The following DUX4 variants were observed in gnomAD, a reference collection of about 807,000 sequenced individuals.
DUX4 encodes double homeobox 4.
rs1201000288 is a variant in DUX4 at position 190,175,257 on chromosome 4, A to G, written c.*209A>G. The G allele has an allele frequency of 1.9e-4, 25 of 128,910 alleles. No individual in the cohort carries two copies. In the East Asian group the frequency reaches 4.2e-3, roughly 22 times the overall value. The allele number at this position is 128,910 out of a possible 1,614,324, so 8.0% of individuals were successfully genotyped here. ...CCTTTCTTTCCTGGGCATCCCGGGG[A>G]TCCCAGAGCCGGCCCAGGTACCAGC... On this transcript the variant is annotated 3_prime_UTR_variant, in exon 1 of 2. Coordinates refer to ENST00000565211, the MANE Select transcript of DUX4 (RefSeq NM_001306068.3).
At chr4:190,176,248 G>A (rs1246630569), downstream of DUX4, among the ~76,000 whole-genome samples, 6 of 113,576 alleles carry the variant, frequency 5.3e-5, 1 homozygote, top group African/African-American at 1.6e-4. Flanking sequence ...TGTAGACAAA[G>A]CCCAGACAAT....
downstream of DUX4, among the ~76,000 whole-genome samples, chr4:190,179,163 TTG>T (rs1742480653): frequency 1.3e-5 from 2 of 152,138 alleles, no homozygotes; most frequent in Admixed American, 6.5e-5. Context: ...CAGAGATACA[TTG>T]CAATGCCCCT....
At chr4:190,179,040 TTAG>T (rs1742473944), downstream of DUX4, among the ~76,000 whole-genome samples, 1 of 101,852 alleles carries the variant, frequency 9.8e-6, no homozygotes, top group African/African-American at 3.6e-5. Flanking sequence ...CAAAGTCCCT[TTAG>T]GCAGATCCTA....
downstream of DUX4, among the ~76,000 whole-genome samples, chr4:190,177,737 C>A (rs2126569786): frequency 6.4e-3 from 686 of 107,994 alleles, no homozygotes; most frequent in South Asian, 0.016. Flanking sequence ...ATCACAATGC[C>A]CCTGTAGGCA....
At chr4:190,179,447 C>CCA (rs1742493253), downstream of DUX4, among the ~76,000 whole-genome samples, 1 of 151,674 alleles carries the variant, frequency 6.6e-6, no homozygotes, top group Non-Finnish European at 1.5e-5. Flanking sequence ...CACAAAGCAC[C>CCA]CTGTAAGCAG....
chr4:190,182,438 G>A (rs1742614851), intron 1 of DUX4, among the ~76,000 whole-genome samples: 1 of 30,808 alleles, frequency 3.2e-5, no homozygotes, highest in Non-Finnish European at 8.6e-5. Flanking sequence ...TAGGTTTAGG[G>A]TTAGGGTTAG....
chr4:190,183,840 T>C (rs1405386521), intron 1 of DUX4, among the ~76,000 whole-genome samples: 5 of 120,824 alleles, frequency 4.1e-5, no homozygotes, highest in African/African-American at 1.3e-4. Context: ...ACCCGCAGCA[T>C]ACTGGACAAA....
chr4:190,178,707 AG>A (rs1742445195), downstream of DUX4, among the ~76,000 whole-genome samples: 6 of 140,648 alleles, frequency 4.3e-5, no homozygotes, highest in East Asian at 2.3e-4. Flanking sequence ...TCCTGTAGGC[AG>A]AGCTTAGATG....
downstream of DUX4, among the ~76,000 whole-genome samples, chr4:190,178,771 GGC>G (rs1742449972): frequency 1.9e-5 from 2 of 106,862 alleles, no homozygotes; most frequent in African/African-American, 6.9e-5. Context: ...GCCCCCTGTA[GGC>G]CAAAGCCTAG....
chr4:190,182,220 C>CAGGGTG (rs1742606637), intron 1 of DUX4: 6 of 44,742 alleles, frequency 1.3e-4, no homozygotes, highest in African/African-American at 3.3e-4. Context: ...GGGTGAGGGT[C>CAGGGTG]AGGGTGAGGG....
intron 1 of DUX4, among the ~76,000 whole-genome samples, chr4:190,181,757 T>A (rs1579838074): frequency 1.5e-3 from 103 of 66,764 alleles, no homozygotes; most frequent in Non-Finnish European, 1.8e-3. Context: ...TGCAGAGATA[T>A]GTAACAATGC....
downstream of DUX4, among the ~76,000 whole-genome samples, chr4:190,178,188 G>GTGATCTGTGCAGAGATATGACACAA (rs1742408639): frequency 6.6e-6 from 1 of 150,712 alleles, no homozygotes; most frequent in Non-Finnish European, 1.5e-5. Flanking sequence ...CATTACCTGG[G>GTGATCTGTGCAGAGATATGACACAA]TGATCAGTGC....
downstream of DUX4, among the ~76,000 whole-genome samples, chr4:190,177,092 G>A (rs1742341168): frequency 3.3e-5 from 5 of 152,238 alleles, no homozygotes; most frequent in Non-Finnish European, 5.9e-5. Context: ...CCCATCACCT[G>A]GGTGATCAGT....
downstream of DUX4, among the ~76,000 whole-genome samples, chr4:190,177,831 G>T (rs1742388781): frequency 1.0e-3 from 151 of 145,784 alleles, no homozygotes; most frequent in Admixed American, 1.5e-3. Context: ...CTAGACAAGG[G>T]TTACATCACC....
rs1199189865 is a variant in DUX4 at position 190,175,252 on chromosome 4, C to T, written c.*204C>T. 12,416 of 72,216 alleles carry T rather than the reference C, an allele frequency of 0.17. 4 individuals carry two copies. The highest frequency in any genetic ancestry group is 0.22 in the Non-Finnish European group (8,143 of 36,978). 4.5% of individuals were successfully genotyped at this position (72,216 alleles called of 1,614,324 possible). On this transcript the variant is annotated 3_prime_UTR_variant, in exon 1 of 2. Coordinates refer to ENST00000565211, the MANE Select transcript of DUX4 (RefSeq NM_001306068.3). ...AACTGCCTTTCTTTCCTGGGCATCCCGGGGATCCCAGAGCCGGCCCAGGTA... is the reference window on the plus strand; with the variant it reads ...AACTGCCTTTCTTTCCTGGGCATCCTGGGGATCCCAGAGCCGGCCCAGGTA...
chr4:190,181,290 C>CACAAGTAGGTAGA (rs1742561805), intron 1 of DUX4, among the ~76,000 whole-genome samples: 3 of 108,756 alleles, frequency 2.8e-5, no homozygotes, highest in African/African-American at 7.3e-5. Context: ...GTGACAATGC[C>CACAAGTAGGTAGA]GCCAGTAGGC....
downstream of DUX4, among the ~76,000 whole-genome samples, chr4:190,179,598 A>G (rs1742505432): frequency 2.0e-4 from 30 of 151,230 alleles, no homozygotes; most frequent in Non-Finnish European, 2.4e-4. Context: ...GCCAGAGCCT[A>G]GACAAAAGTT....
At chr4:190,177,098 T>C (rs1742341487), downstream of DUX4, among the ~76,000 whole-genome samples, 694 of 140,704 alleles carry the variant, frequency 4.9e-3, no homozygotes, top group Admixed American at 9.7e-3. Flanking sequence ...ACCTGGGTGA[T>C]CAGTGCAGAG....
At position 190,175,229 on chromosome 4, in the gene DUX4, C is replaced by T. The variant is rs1333037402; in HGVS notation, c.*181C>T. Reference sequence around the variant, plus strand: ...GTGAGAGACTCCACTCCGCGGAGAACTGCCTTTCTTTCCTGGGCATCCCGG... The same window carrying T: ...GTGAGAGACTCCACTCCGCGGAGAATTGCCTTTCTTTCCTGGGCATCCCGG... On this transcript the variant is annotated 3_prime_UTR_variant, in exon 1 of 2. Transcript: ENST00000565211. The T allele has an allele frequency of 0.096, 8,833 of 91,998 alleles. 9 individuals carry two copies. Among genetic ancestry groups the T allele is most frequent in the South Asian group, 0.1 (543 of 5,254 alleles). The allele number at this position is 91,998 out of a possible 1,614,324, so 5.7% of individuals were successfully genotyped here. A position where few individuals can be genotyped will look rare whatever the true frequency, so the allele number is the denominator to read the frequency against.
Sources: gnomAD v4.1 joint callset for allele counts (sites outside exome capture counted in the v4.1 genomes callset) on GRCh38, gnomAD v4.1.1 for gene constraint, MANE v1.5 for transcripts, NCBI Gene and HGNC (gene_info 2026-07-23, HGNC 2026-07-21) for gene names.